Variants in SDK1 observed in about 807,000 individuals in gnomAD.
SDK1 encodes the protein sidekick cell adhesion molecule 1.
Under a neutral mutation model 245.5 loss-of-function variants are expected in SDK1, and 157 were observed. That is an observed-to-expected ratio of 0.64 (90% CI 0.56 to 0.73). The LOEUF (loss-of-function observed/expected upper bound fraction) is 0.73, where lower values mean the gene tolerates loss of function less well. Ranked by LOEUF, SDK1 falls within the 30% of genes least tolerant of loss-of-function variation. SDK1 has a pLI of 0.00. For missense variants in SDK1, 3,583 were observed against 3,002.3 expected (o/e 1.19, Z -4.52); for synonymous variants, 1,647 against 1,278.5 (o/e 1.29, Z -6.15).
At chr7:3,546,660 G>A (rs572606997) in intron 1 of SDK1, among the ~76,000 whole-genome samples, 75 of 152,352 alleles carry the variant, frequency 4.9e-4, no homozygotes, top group Non-Finnish European at 9.6e-4. Context: ...GCCCAGGGGG[G>A]ACGTCTCCCA....
At chr7:3,759,576 A>T (rs992697414) in intron 4 of SDK1, among the ~76,000 whole-genome samples, 4 of 143,498 alleles carry the variant, frequency 2.8e-5, no homozygotes, top group Non-Finnish European at 6.0e-5. Context: ...TTCTTTTTAA[A>T]TTTTTTTCAT....
chr7:3,360,498 G>A (rs758264686), intron 1 of SDK1, among the ~76,000 whole-genome samples: 4 of 152,156 alleles, frequency 2.6e-5, no homozygotes, highest in Non-Finnish European at 4.4e-5. Flanking sequence ...GTTTGTGGGC[G>A]GAGTGGATTC....
chr7:3,813,676 G>A (rs534339669), intron 4 of SDK1, among the ~76,000 whole-genome samples: 2 of 133,666 alleles, frequency 1.5e-5, no homozygotes, highest in African/African-American at 3.1e-5. Flanking sequence ...AGATCCCCGA[G>A]GAATCGCCAC....
chr7:4,261,063 C>T (rs1181507146), intron 44 of SDK1, among the ~76,000 whole-genome samples: 6 of 152,096 alleles, frequency 3.9e-5, no homozygotes, highest in African/African-American at 1.4e-4. Context: ...GTAAATATTC[C>T]AGTTTGAGGT....
intron 1 of SDK1, among the ~76,000 whole-genome samples, chr7:3,538,520 C>G (rs1003007571): frequency 1.3e-5 from 2 of 152,200 alleles, no homozygotes; most frequent in African/African-American, 4.8e-5. Context: ...GCCTGTTTCC[C>G]TGTCAGCAAA....
intron 1 of SDK1, among the ~76,000 whole-genome samples, chr7:3,403,836 TA>T (rs1259254397): frequency 1.6e-5 from 1 of 63,770 alleles, no homozygotes; most frequent in Admixed American, 1.5e-4. Context: ...TATATATATA[TA>T]TATATATATA....
In SDK1 at chr7:4,109,753, G is replaced by A. The variant is rs575959565; in HGVS notation, c.3325-910G>A. Among the ~76,000 whole-genome samples, 208 of 152,334 alleles carry A rather than the reference G, an allele frequency of 1.4e-3. 1 individual carries two copies. Among genetic ancestry groups the A allele is most frequent in the South Asian group, 2.5e-3 (12 of 4,824 alleles). ...GCACCATCAAGGGGGAGAGAGGGAC[G>A]TGGTCAGCTTGGGGCAGTGGCAGTA... On this transcript the variant is annotated intron_variant, in intron 22 of 44. Transcript: ENST00000404826.
At chr7:3,473,894 C>G (rs184399852) in intron 1 of SDK1, among the ~76,000 whole-genome samples, 1 of 152,058 alleles carries the variant, frequency 6.6e-6, no homozygotes, top group Admixed American at 6.5e-5. Flanking sequence ...CTAGCTACCA[C>G]AGCAGTGAAG....
At chr7:3,618,971 A>C in intron 1 of SDK1, 109 bp from the exon 2 acceptor site, 1 of 876,396 alleles carries the variant, frequency 1.1e-6, no homozygotes, top group Non-Finnish European at 1.7e-6. Flanking sequence ...AACAGCCATC[A>C]CTTTCATTTT....
intron 1 of SDK1, chr7:3,476,084 T>G (rs1781340303): frequency 6.5e-6 from 1 of 152,678 alleles, no homozygotes; most frequent in Non-Finnish European, 1.5e-5. Context: ...AAACCTATTT[T>G]CAAACAATTT....
chr7:3,727,780 C>T (rs552539242), intron 4 of SDK1, among the ~76,000 whole-genome samples: 52 of 152,214 alleles, frequency 3.4e-4, no homozygotes, highest in African/African-American at 1.2e-3. Flanking sequence ...CATGAGCCAC[C>T]GCGCCCGGCC....
At chr7:3,583,124 ACT>A (rs1780565207) in intron 1 of SDK1, among the ~76,000 whole-genome samples, 1 of 152,084 alleles carries the variant, frequency 6.6e-6, no homozygotes, top group Admixed American at 6.5e-5. Flanking sequence ...CGGTGTCAAC[ACT>A]CTGCAGGCCT....
At chr7:3,815,470 G>T (rs1779483883) in intron 4 of SDK1, among the ~76,000 whole-genome samples, 2 of 150,328 alleles carry the variant, frequency 1.3e-5, no homozygotes, top group African/African-American at 4.9e-5. Flanking sequence ...AAGCCCACTT[G>T]ATCATGGTGG....
chr7:3,350,439 C>A (rs1201050292), intron 1 of SDK1, among the ~76,000 whole-genome samples: 1 of 151,996 alleles, frequency 6.6e-6, no homozygotes, highest in Admixed American at 6.6e-5. Flanking sequence ...TATCTGCTCC[C>A]CAGTGTAGTT....
chr7:3,312,880 T>C (rs1112428), intron 1 of SDK1, among the ~76,000 whole-genome samples: 81,538 of 151,972 alleles, frequency 0.54, 21,941 homozygotes, highest in Non-Finnish European at 0.55. Context: ...GCTCTTAGTT[T>C]CAAGAACCGT....
At chr7:3,678,864 T>C (rs1433014374) in intron 4 of SDK1, among the ~76,000 whole-genome samples, 2 of 152,184 alleles carry the variant, frequency 1.3e-5, no homozygotes, top group Admixed American at 6.5e-5. Context: ...CTGGAGCAAT[T>C]GGGTATCAAC....
At chr7:4,215,345 C>T (rs964506579) in intron 38 of SDK1, among the ~76,000 whole-genome samples, 68 of 152,350 alleles carry the variant, frequency 4.5e-4, no homozygotes, top group African/African-American at 1.6e-3. Context: ...AGGCCTTGGG[C>T]GGAGTCCCCC....
chr7:3,739,798 A>G lies in SDK1; in HGVS notation c.714-81652A>G, dbSNP rs540677917. ...ATTGATTGCTTTTTTTCCCCCGTGT[A>G]TGCTCCATACCTTCCTATTTCTTTG... On this transcript the variant is annotated intron_variant, in intron 4 of 44. Transcript: ENST00000404826. 9.9e-5 allele frequency among the ~76,000 whole-genome samples: 15 copies of G among 152,134 alleles called. No individual in the cohort carries two copies. In the South Asian group the frequency reaches 2.9e-3, roughly 29 times the overall value.
At chr7:3,513,431 C>T (rs78360414) in intron 1 of SDK1, among the ~76,000 whole-genome samples, 1 of 152,022 alleles carries the variant, frequency 6.6e-6, no homozygotes, top group South Asian at 2.1e-4. Flanking sequence ...AAAATATAGA[C>T]GTTAATATTT....
Sources: gnomAD v4.1 joint callset for allele counts (sites outside exome capture counted in the v4.1 genomes callset) on GRCh38, gnomAD v4.1.1 for gene constraint, MANE v1.5 for transcripts, NCBI Gene and HGNC (gene_info 2026-07-23, HGNC 2026-07-21) for gene names.